HPSE2: variants seen among roughly 807,000 people sequenced by gnomAD.
The protein encoded by HPSE2 is heparanase 2 (inactive).
In HPSE2, 38 loss-of-function variants were observed where a neutral mutation model predicts 60.5. That is an observed-to-expected ratio of 0.63 (90% CI 0.48 to 0.82). The LOEUF (loss-of-function observed/expected upper bound fraction) is 0.82, where lower values mean the gene tolerates loss of function less well. HPSE2 is among the 40% of genes least tolerant of loss of function. The pLI, the probability that HPSE2 is intolerant of heterozygous loss-of-function variation, is 0.00. For missense variants in HPSE2, 713 were observed against 740.4 expected (o/e 0.96, Z 0.43); for synonymous variants, 295 against 293.2 (o/e 1.01, Z -0.06).
chr10:98,512,457 T>C (rs903241025), intron 9 of HPSE2, among the ~76,000 whole-genome samples: 5 of 151,758 alleles, frequency 3.3e-5, no homozygotes, highest in Non-Finnish European at 5.9e-5. Flanking sequence ...TGGTAGCGGG[T>C]GCCTGTAGTC....
At chr10:98,765,693 C>T (rs935484735) in intron 3 of HPSE2, among the ~76,000 whole-genome samples, 1 of 151,816 alleles carries the variant, frequency 6.6e-6, no homozygotes, top group East Asian at 1.9e-4. Flanking sequence ...CAAAAATTAG[C>T]CAGGCATGGC....
chr10:98,461,919 G>T, intron 11 of HPSE2: 2 of 891,012 alleles, frequency 2.2e-6, no homozygotes, highest in South Asian at 1.4e-5. Flanking sequence ...TTTCTTTATT[G>T]GTTGGTTAAA....
chr10:98,777,871 C>G (rs578001825), intron 3 of HPSE2, among the ~76,000 whole-genome samples: 16 of 152,200 alleles, frequency 1.1e-4, no homozygotes, highest in South Asian at 4.1e-4. Flanking sequence ...ACCAGGATTT[C>G]TTGATGGTAG....
intron 3 of HPSE2, among the ~76,000 whole-genome samples, chr10:98,749,195 G>C (rs1301081417): frequency 6.6e-6 from 1 of 152,008 alleles, no homozygotes; most frequent in Non-Finnish European, 1.5e-5. Flanking sequence ...ATTTCTCTTA[G>C]TTTCCCTAGT....
chr10:99,167,226 G>A (rs1305954651), intron 2 of HPSE2, among the ~76,000 whole-genome samples: 1 of 152,022 alleles, frequency 6.6e-6, no homozygotes, highest in African/African-American at 2.4e-5. Context: ...GGCCAGGCTG[G>A]TCTCAAACTC....
At chr10:98,843,076 CGTTT>C (rs1222832884) in intron 3 of HPSE2, among the ~76,000 whole-genome samples, 3 of 151,896 alleles carry the variant, frequency 2.0e-5, no homozygotes, top group Non-Finnish European at 4.4e-5. Context: ...TACATATTCA[CGTTT>C]GTTATACAGG....
chr10:98,510,322 G>A (rs1294533961), intron 9 of HPSE2, among the ~76,000 whole-genome samples: 1 of 152,126 alleles, frequency 6.6e-6, no homozygotes, highest in Admixed American at 6.5e-5. Context: ...CAGGACCAAG[G>A]ACTTATGCCC....
intron 5 of HPSE2, among the ~76,000 whole-genome samples, chr10:98,702,664 A>C (rs548753850): frequency 5.3e-5 from 8 of 152,226 alleles, no homozygotes; most frequent in Non-Finnish European, 1.2e-4. Context: ...TGGAATTTGA[A>C]CAACCTGCTC....
intron 3 of HPSE2, among the ~76,000 whole-genome samples, chr10:98,824,096 A>G (rs1408681625): frequency 1.3e-5 from 2 of 152,234 alleles, no homozygotes; most frequent in Admixed American, 1.3e-4. Flanking sequence ...CAATAGTTCA[A>G]AAGGGAAATT....
intron 3 of HPSE2, among the ~76,000 whole-genome samples, chr10:98,926,577 C>T (rs1257067906): frequency 2.0e-5 from 3 of 152,220 alleles, no homozygotes; most frequent in South Asian, 2.1e-4. Context: ...TGCCTAAATA[C>T]CTTTTTATTG....
At chr10:99,120,041 T>C (rs1199663379) in intron 3 of HPSE2, among the ~76,000 whole-genome samples, 2 of 152,240 alleles carry the variant, frequency 1.3e-5, no homozygotes, top group East Asian at 3.9e-4. Context: ...CAGGCAAAGA[T>C]TTCATGACAA....
chr10:99,134,873 C>A (rs1370681565), intron 3 of HPSE2, among the ~76,000 whole-genome samples: 1 of 152,152 alleles, frequency 6.6e-6, no homozygotes, highest in Non-Finnish European at 1.5e-5. Context: ...ACAATATTAA[C>A]CTTAAATGTA....
In HPSE2 at chr10:98,743,869, A is replaced by T; in HGVS notation, c.784+14T>A. ...TTATTTTGTCAATTCAGAGGAAGTA[A>T]CATCCTTACTTACCATTACCCAGTT... On this transcript the variant is annotated intron_variant, in intron 4 of 11. Coordinates refer to ENST00000370552, the MANE Select transcript of HPSE2 (RefSeq NM_021828.5). The T allele has an allele frequency of 3.1e-6, 5 of 1,610,786 alleles. No homozygotes were observed. Among genetic ancestry groups the T allele is most frequent in the Non-Finnish European group, 4.2e-6 (5 of 1,176,882 alleles).
At chr10:98,754,480 T>C (rs1473917909) in intron 3 of HPSE2, among the ~76,000 whole-genome samples, 2 of 151,832 alleles carry the variant, frequency 1.3e-5, no homozygotes, top group Non-Finnish European at 2.9e-5. Context: ...ACTATAGAGT[T>C]TGACATTTAA....
At chr10:99,293,810 A>G in the HPSE2 span, among the ~76,000 whole-genome samples, 3 of 152,222 alleles carry the variant, frequency 2.0e-5, no homozygotes, top group African/African-American at 7.2e-5. Context: ...TACAAGAGAC[A>G]GAAAATAGAG....
At chr10:98,851,168 G>A (rs746291757) in intron 3 of HPSE2, among the ~76,000 whole-genome samples, 1 of 152,184 alleles carries the variant, frequency 6.6e-6, no homozygotes, top group South Asian at 2.1e-4. Context: ...AGTACCTCAG[G>A]AGAGATAGCC....
intron 2 of HPSE2, among the ~76,000 whole-genome samples, chr10:99,165,385 A>T (rs1403006361): frequency 6.6e-6 from 1 of 152,102 alleles, no homozygotes; most frequent in African/African-American, 2.4e-5. Flanking sequence ...TCATCACAAT[A>T]CACTTAAATT....
intron 3 of HPSE2, among the ~76,000 whole-genome samples, chr10:99,055,518 A>T (rs950901050): frequency 6.6e-6 from 1 of 152,186 alleles, no homozygotes; most frequent in African/African-American, 2.4e-5. Context: ...TCCTGAAGGA[A>T]ACTGGAGCTG....
chr10:98,659,439 G>A (rs1481019801), intron 6 of HPSE2, among the ~76,000 whole-genome samples: 1 of 152,142 alleles, frequency 6.6e-6, no homozygotes, highest in Admixed American at 6.5e-5. Flanking sequence ...TGTCCTTTAT[G>A]ACTGGCTTCC....
Sources: allele counts gnomAD v4.1 joint callset (sites outside exome capture counted in the v4.1 genomes callset), GRCh38; gene constraint gnomAD v4.1.1; transcripts MANE v1.5; gene names NCBI Gene and HGNC (gene_info 2026-07-23, HGNC 2026-07-21).